Variants in LRCH3 observed in about 807,000 individuals in gnomAD.
LRCH3 encodes leucine rich repeats and calponin homology domain containing 3.
A neutral mutation model predicts 104.5 loss-of-function variants in LRCH3; 68 were observed. That is an observed-to-expected ratio of 0.65 (90% CI 0.54 to 0.80). The LOEUF is 0.80. Ranked by LOEUF, LRCH3 falls within the 30% of genes least tolerant of loss-of-function variation. The pLI is 0.00. For missense variants in LRCH3, 951 were observed against 953.9 expected (o/e 1.00, Z 0.04); for synonymous variants, 344 against 361.3 (o/e 0.95, Z 0.54).
chr3:197,836,100 A>AAGT (rs1323479349), intron 9 of LRCH3, among the ~76,000 whole-genome samples: 1 of 152,204 alleles, frequency 6.6e-6, no homozygotes, highest in African/African-American at 2.4e-5. Context: ...CCTTGGAAGA[A>AAGT]AGTACAAAGA....
In LRCH3 at chr3:197,865,416, TC is replaced by T; in HGVS notation, c.1717-5del. 1 of 1,553,334 alleles carries T rather than the reference TC, an allele frequency of 6.4e-7. No individual in the cohort carries two copies. The highest frequency in any genetic ancestry group is 1.4e-5 in the African/African-American group (1 of 72,122). Reference sequence around the variant, plus strand: ...ACAATTATTGATATATGTCTGTTTCTCCACAGAGTGATGACAGACCTAATGC... The same window carrying T: ...ACAATTATTGATATATGTCTGTTTCTCACAGAGTGATGACAGACCTAATGC... On this transcript the variant is annotated splice_region_variant and splice_polypyrimidine_tract_variant and intron_variant, in intron 15 of 20. Transcript: ENST00000425562.
intron 1 of LRCH3, among the ~76,000 whole-genome samples, chr3:197,797,232 G>A (rs1053148029): frequency 1.3e-5 from 2 of 148,392 alleles, no homozygotes; most frequent in African/African-American, 5.0e-5. Flanking sequence ...GGGAGGCTGA[G>A]GCAGGAGAAT....
Position 197,847,695 on chromosome 3 carries a change from A to G in LRCH3, c.1381-177A>G, listed in dbSNP as rs1200310796. ...TTAGTTTGGTGCACCAACCTAATAC[A>G]TATAAGAACCGTGCAAAGACGGGAA... On this transcript the variant is annotated intron_variant, in intron 11 of 20. Coordinates refer to ENST00000425562, the MANE Select transcript of LRCH3 (RefSeq NM_001365715.1). 5 of 6,248 alleles carry G rather than the reference A, an allele frequency of 8.0e-4. No homozygotes were observed. In the South Asian group the frequency reaches 8.2e-3, roughly 10 times the overall value. 0.4% of individuals were successfully genotyped at this position (6,248 alleles called of 1,614,324 possible).
chr3:197,824,878 A>C (rs564945794), intron 4 of LRCH3, among the ~76,000 whole-genome samples: 2 of 152,294 alleles, frequency 1.3e-5, no homozygotes, highest in East Asian at 3.9e-4. Flanking sequence ...CCTGCTGCCC[A>C]GCTTTCTTTC....
rs111865986 is a variant in LRCH3 at position 197,866,169 on chromosome 3, G to T, written c.1823G>T (p.Arg608Leu). The change falls in exon 17 of 21, where the codon CGC becomes CTC. Residue 608 changes from arginine (R) to leucine (L), a missense_variant. Transcript: ENST00000425562. The stretch of plus-strand genomic sequence containing the variant: ...GCTATCCAGAGAAATCAGCCTCAGC[G>T]CCCTGAAAGCTTCCTTTTCCGAGCA... ...PAAIQRNQPQ[R>L]PESFLFRAGV... 1.2e-5 allele frequency: 19 copies of T among 1,614,018 alleles called. No homozygotes were observed. Among genetic ancestry groups the T allele is most frequent in the Middle Eastern group, 3.3e-4 (2 of 6,062 alleles).
At chr3:197,871,687 G>A (rs1378915911) in intron 19 of LRCH3, 3 of 429,478 alleles carry the variant, frequency 7.0e-6, no homozygotes, top group African/African-American at 6.1e-5. Flanking sequence ...GTGTTATAGG[G>A]ATATAAAAAG....
At chr3:197,881,928 T>C (rs1713808263) in intron 20 of LRCH3, 1 of 985,356 alleles carries the variant, frequency 1.0e-6, no homozygotes, top group African/African-American at 1.7e-5. Flanking sequence ...GTCAAAAGAC[T>C]GTTCACTATT....
upstream of LRCH3, chr3:197,791,239 A>G: frequency 1.3e-6 from 2 of 1,599,276 alleles, no homozygotes; most frequent in Non-Finnish European, 1.7e-6. Context: ...CCGGCCGCGC[A>G]TGCGCTGAGC....
intron 15 of LRCH3, among the ~76,000 whole-genome samples, chr3:197,861,606 A>G (rs910496268): frequency 1.3e-5 from 2 of 152,192 alleles, no homozygotes; most frequent in Non-Finnish European, 2.9e-5. Flanking sequence ...TTATTATTTT[A>G]AAAGATTTAT....
chr3:197,845,804 C>T (rs1297438040), intron 10 of LRCH3, among the ~76,000 whole-genome samples: 2 of 152,132 alleles, frequency 1.3e-5, no homozygotes, highest in African/African-American at 4.8e-5. Context: ...ACTCAGGAGG[C>T]TGACGCAGAA....
intron 19 of LRCH3, among the ~76,000 whole-genome samples, chr3:197,875,178 ACCT>A (rs1178780466): frequency 6.6e-6 from 1 of 151,798 alleles, no homozygotes; most frequent in Non-Finnish European, 1.5e-5. Flanking sequence ...TGATCCGCCC[ACCT>A]CAGCCTCCCA....
chr3:197,838,700 T>C (rs968325971), intron 9 of LRCH3, among the ~76,000 whole-genome samples: 1 of 152,242 alleles, frequency 6.6e-6, no homozygotes, highest in Non-Finnish European at 1.5e-5. Context: ...TAATACTTTT[T>C]GAAAATGACG....
At chr3:197,822,216 C>T (rs745915740) in intron 4 of LRCH3, among the ~76,000 whole-genome samples, 3 of 152,096 alleles carry the variant, frequency 2.0e-5, no homozygotes, top group Non-Finnish European at 4.4e-5. Context: ...ACTTTTTATC[C>T]TCAGGGCCTT....
intron 17 of LRCH3, among the ~76,000 whole-genome samples, 189 bp from the exon 18 acceptor site, chr3:197,869,971 G>C (rs186963118): frequency 7.6e-5 from 11 of 144,598 alleles, no homozygotes; most frequent in African/African-American, 2.9e-4. Flanking sequence ...GGTAGAAAGC[G>C]ATGCACTGTA....
chr3:197,801,120 A>C (rs970672254), intron 1 of LRCH3, among the ~76,000 whole-genome samples: 1 of 150,410 alleles, frequency 6.6e-6, no homozygotes, highest in African/African-American at 2.4e-5. Flanking sequence ...AAAATGGATG[A>C]GCTATAACTA....
At chr3:197,855,164 G>C (rs1406701357) in intron 14 of LRCH3, among the ~76,000 whole-genome samples, 2 of 152,138 alleles carry the variant, frequency 1.3e-5, no homozygotes. Flanking sequence ...CTGCTGCCAG[G>C]GTGCATCCTG....
intron 2 of LRCH3, among the ~76,000 whole-genome samples, chr3:197,816,118 A>G (rs1259628262): frequency 6.6e-6 from 1 of 152,116 alleles, no homozygotes; most frequent in Non-Finnish European, 1.5e-5. Flanking sequence ...TTTCCTTAAG[A>G]TAGATGTCTG....
intron 1 of LRCH3, among the ~76,000 whole-genome samples, chr3:197,807,611 T>G (rs560664453): frequency 7.9e-4 from 121 of 152,316 alleles, no homozygotes; most frequent in Non-Finnish European, 1.3e-3. Context: ...TCATTGTTGA[T>G]GTGTTAGGGC....
chr3:197,835,858 C>A (rs1323528494), intron 9 of LRCH3, 36 bp downstream of exon 9: 1 of 1,599,436 alleles, frequency 6.3e-7, no homozygotes, highest in African/African-American at 1.3e-5. Flanking sequence ...ATGTTGCTAT[C>A]CCTTCATAAA....
Sources: allele counts gnomAD v4.1 joint callset (sites outside exome capture counted in the v4.1 genomes callset), GRCh38; gene constraint gnomAD v4.1.1; transcripts MANE v1.5; gene names NCBI Gene and HGNC (gene_info 2026-07-23, HGNC 2026-07-21).